Variants in LRBA observed in about 807,000 individuals in gnomAD.
The protein encoded by LRBA is LPS responsive beige-like anchor protein.
LRBA carries 176 observed loss-of-function variants against 330.0 expected under a neutral mutation model. That is an observed-to-expected ratio of 0.53 (90% CI 0.47 to 0.60). The LOEUF (loss-of-function observed/expected upper bound fraction) is 0.60, where lower values mean the gene tolerates loss of function less well. Ranked by LOEUF, LRBA falls within the 20% of genes least tolerant of loss-of-function variation. The probability of loss-of-function intolerance (pLI) is 0.00; values close to 1 mark genes in which losing one functional copy is unlikely to be tolerated. For synonymous variants in LRBA, 1,230 were observed against 1,193.0 expected (o/e 1.03, Z -0.64); for missense variants, 3,259 against 3,444.8 (o/e 0.95, Z 1.35).
chr4:150,406,742 A>G (rs1241300896), intron 47 of LRBA, among the ~76,000 whole-genome samples: 1 of 152,154 alleles, frequency 6.6e-6, no homozygotes, highest in Non-Finnish European at 1.5e-5. Flanking sequence ...GTAAAATGCT[A>G]CATTACATGG....
At chr4:150,354,153 T>C (rs1350768646) in intron 47 of LRBA, among the ~76,000 whole-genome samples, 1 of 152,170 alleles carries the variant, frequency 6.6e-6, no homozygotes, top group South Asian at 2.1e-4. Flanking sequence ...ACCCTGAGGT[T>C]GCCTTTTATA....
At chr4:150,579,312 G>A (rs923162781) in intron 40 of LRBA, 7 of 456,016 alleles carry the variant, frequency 1.5e-5, no homozygotes, top group African/African-American at 1.2e-4. Flanking sequence ...AGAGAGGACC[G>A]CAAAGGCGCA....
chr4:150,490,928 C>T lies in LRBA; in HGVS notation c.6438G>A (p.Met2146Ile). The change falls in exon 41 of 57, where the codon ATG becomes ATA. Residue 2146 changes from methionine to isoleucine, a missense_variant. By Grantham distance (10) the Met-to-Ile change is conservative (BLOSUM62 1). Transcript: ENST00000651943. ...TCTGTAACACATTACCTCTGTTTGC[C>T]ATAAAGATCTCCAGGGCTGTATTTT... ...LLQNTALEIF[M>I]ANRVAVMFNF... The T allele has an allele frequency of 6.3e-7, 1 of 1,596,336 alleles. No homozygotes were observed. Among genetic ancestry groups the T allele is most frequent in the Non-Finnish European group, 8.6e-7 (1 of 1,166,132 alleles).
intron 36 of LRBA, among the ~76,000 whole-genome samples, chr4:150,726,823 G>C (rs62346303): frequency 5.3e-5 from 8 of 151,764 alleles, no homozygotes; most frequent in Non-Finnish European, 1.2e-4. Flanking sequence ...GATTTGGATG[G>C]GGACACAGAG....
chr4:150,352,353 C>A (rs1230894236), intron 47 of LRBA, among the ~76,000 whole-genome samples: 4 of 151,514 alleles, frequency 2.6e-5, no homozygotes, highest in Non-Finnish European at 5.9e-5. Context: ...TAGCTAAATA[C>A]AAAAAAAATT....
intron 36 of LRBA, among the ~76,000 whole-genome samples, chr4:150,708,532 T>C (rs574862999): frequency 3.3e-5 from 5 of 151,920 alleles, no homozygotes; most frequent in African/African-American, 1.2e-4. Flanking sequence ...AAGAAAATGG[T>C]ATCAAAAAAT....
At chr4:150,637,440 T>C (rs1778035751) in intron 37 of LRBA, among the ~76,000 whole-genome samples, 1 of 152,196 alleles carries the variant, frequency 6.6e-6, no homozygotes, top group Non-Finnish European at 1.5e-5. Flanking sequence ...CCGTAAATGC[T>C]CCCTGCCTCC....
Position 150,837,880 on chromosome 4 carries a change from C to T in LRBA, c.4570-5904G>A, listed in dbSNP as rs1445889666. 3.9e-5 allele frequency among the ~76,000 whole-genome samples: 6 copies of T among 152,282 alleles called. No individual in the cohort carries two copies. In the East Asian group the frequency reaches 1.2e-3, roughly 29 times the overall value. ...GCTCATTAGTTGATGCAGTTTCTTCCTAGCATCGATGGTCTTTACAATTTG... is the reference window on the plus strand; with the variant it reads ...GCTCATTAGTTGATGCAGTTTCTTCTTAGCATCGATGGTCTTTACAATTTG... On this transcript the variant is annotated intron_variant, in intron 28 of 56. Coordinates refer to ENST00000651943, the MANE Select transcript of LRBA (RefSeq NM_001364905.1).
intron 44 of LRBA, among the ~76,000 whole-genome samples, chr4:150,446,677 C>T (rs1401964774): frequency 2.0e-5 from 3 of 152,154 alleles, no homozygotes; most frequent in Non-Finnish European, 2.9e-5. Context: ...CCCAGTGCTC[C>T]CTCAAGGAAA....
Position 151,009,014 on chromosome 4 carries a change from T to C in LRBA, c.216+5413A>G, listed in dbSNP as rs979045316. ...ATATATATATATATATATATATATA[T>C]ATATATATATATAAAATGGTATTTT... is the stretch of plus-strand genomic sequence containing the variant. On this transcript the variant is annotated intron_variant, in intron 2 of 56. Transcript: ENST00000651943. Among the ~76,000 whole-genome samples the C allele has an allele frequency of 7.9e-4, 29 of 36,928 alleles. 4 individuals carry two copies. The highest frequency in any genetic ancestry group is 2.6e-3 in the African/African-American group (28 of 10,696). 24.2% of individuals were successfully genotyped at this position (36,928 alleles called of 152,430 possible). A position where few individuals can be genotyped will look rare whatever the true frequency, so the allele number is the denominator to read the frequency against.
intron 17 of LRBA, among the ~76,000 whole-genome samples, chr4:150,891,418 T>G (rs1171286000): frequency 6.6e-6 from 1 of 152,250 alleles, no homozygotes; most frequent in Non-Finnish European, 1.5e-5. Context: ...GGTATCAAGA[T>G]AGTTGGTCAA....
At chr4:150,439,744 A>T (rs1056612104) in intron 44 of LRBA, among the ~76,000 whole-genome samples, 3 of 152,192 alleles carry the variant, frequency 2.0e-5, no homozygotes, top group Admixed American at 2.0e-4. Flanking sequence ...CTAACAATAG[A>T]TCTGTAATGA....
At chr4:150,417,040 T>A (rs1747869897) in intron 46 of LRBA, among the ~76,000 whole-genome samples, 1 of 152,074 alleles carries the variant, frequency 6.6e-6, no homozygotes, top group African/African-American at 2.4e-5. Context: ...GTGTCCTCAG[T>A]CATCAAATAA....
intron 22 of LRBA, among the ~76,000 whole-genome samples, chr4:150,858,583 G>C (rs1751503898): frequency 6.6e-6 from 1 of 152,168 alleles, no homozygotes; most frequent in Non-Finnish European, 1.5e-5. Context: ...AGACTGAAGT[G>C]CAGTGGCACA....
At chr4:150,419,009 A>G (rs1225757397) in intron 46 of LRBA, among the ~76,000 whole-genome samples, 1 of 152,130 alleles carries the variant, frequency 6.6e-6, no homozygotes, top group Non-Finnish European at 1.5e-5. Flanking sequence ...TTAAGAGGTT[A>G]GGCAGGAACC....
At position 150,286,404 on chromosome 4, in the gene LRBA, G is replaced by A. The variant is rs184232612; in HGVS notation, c.8018-370C>T. 2.2e-4 allele frequency among the ~76,000 whole-genome samples: 33 copies of A among 152,130 alleles called. 1 individual carries two copies. In the East Asian group the frequency reaches 3.1e-3, roughly 14 times the overall value. On this transcript the variant is annotated intron_variant, in intron 53 of 56. Transcript: ENST00000651943. ...AATTTACATTTCAAAGAAAGGCCTC[G>A]CCCCTCCTTCCTCCTTCCTCATCCT...
intron 40 of LRBA, among the ~76,000 whole-genome samples, chr4:150,567,617 G>C (rs1429433385): frequency 6.6e-6 from 1 of 152,108 alleles, no homozygotes; most frequent in Non-Finnish European, 1.5e-5. Context: ...TAGATTTGTT[G>C]AGAGGATTAT....
intron 37 of LRBA, among the ~76,000 whole-genome samples, chr4:150,673,195 G>C (rs887892696): frequency 2.6e-5 from 4 of 152,260 alleles, no homozygotes; most frequent in Admixed American, 2.6e-4. Flanking sequence ...CACTGTATCA[G>C]ATATTTTGAA....
At chr4:150,872,609 T>C (rs1399053890) in intron 18 of LRBA, 54 bp downstream of exon 18, 4 of 1,200,566 alleles carry the variant, frequency 3.3e-6, no homozygotes, top group African/African-American at 3.1e-5. Flanking sequence ...TGCAAAGATT[T>C]ATAAAATAAA....
Sources: allele counts gnomAD v4.1 joint callset (sites outside exome capture counted in the v4.1 genomes callset), GRCh38; gene constraint gnomAD v4.1.1; transcripts MANE v1.5; gene names NCBI Gene and HGNC (gene_info 2026-07-23, HGNC 2026-07-21).